Variants in ZNF573 observed in about 807,000 individuals in gnomAD.
ZNF573 encodes zinc finger protein 573.
Under a neutral mutation model 57.4 loss-of-function variants are expected in ZNF573, and 41 were observed. That is an observed-to-expected ratio of 0.71 (90% CI 0.56 to 0.93). The LOEUF is 0.93. ZNF573 is among the 40% of genes least tolerant of loss of function. The probability of loss-of-function intolerance (pLI) is 0.00; values close to 1 mark genes in which losing one functional copy is unlikely to be tolerated. For missense variants in ZNF573, 730 were observed against 794.8 expected, an observed-to-expected ratio of 0.92 and a Z score of 0.98; for synonymous variants, 249 against 261.0, an observed-to-expected ratio of 0.95 and a Z score of 0.44.
At chr19:37,753,099 T>A (rs568968820) in intron 4 of ZNF573, among the ~76,000 whole-genome samples, 37 of 152,240 alleles carry the variant, frequency 2.4e-4, no homozygotes, top group African/African-American at 8.2e-4. Flanking sequence ...TACAAAAAAA[T>A]TTTTAAAAAA....
chr19:37,764,164 G>C (rs141854438), intron 4 of ZNF573, among the ~76,000 whole-genome samples: 64 of 151,524 alleles, frequency 4.2e-4, no homozygotes, highest in African/African-American at 1.5e-3. Flanking sequence ...TAAGGAATAA[G>C]AGATACAGAT....
intron 4 of ZNF573, among the ~76,000 whole-genome samples, chr19:37,751,066 T>G (rs1004945036): frequency 6.6e-6 from 1 of 150,430 alleles, no homozygotes; most frequent in South Asian, 2.1e-4. Context: ...TAGTATAGTA[T>G]GGTATATATA....
intron 4 of ZNF573, among the ~76,000 whole-genome samples, chr19:37,741,339 A>G (rs770726511): frequency 2.6e-5 from 4 of 152,082 alleles, no homozygotes; most frequent in Non-Finnish European, 5.9e-5. Flanking sequence ...ATCATAGTTC[A>G]CTGCAGCCTT....
chr19:37,771,417 T>C (rs1396003368), intron 3 of ZNF573, 147 bp downstream of exon 3: 22 of 895,228 alleles, frequency 2.5e-5, no homozygotes, highest in Non-Finnish European at 3.5e-5. Context: ...GGCACAGCCA[T>C]TGTCAAACAG....
chr19:37,778,790 C>A (rs62110185), intron 1 of ZNF573, among the ~76,000 whole-genome samples: 13,699 of 152,032 alleles, frequency 0.09, 1,018 homozygotes, highest in African/African-American at 0.2. Context: ...CCTCCTTACA[C>A]AATACCCTCC....
chr19:37,777,729 C>T (rs562840947), intron 1 of ZNF573, among the ~76,000 whole-genome samples: 1 of 139,798 alleles, frequency 7.2e-6, no homozygotes, highest in South Asian at 2.4e-4. Flanking sequence ...ATAGAGCAAG[C>T]CTTTGTCATA....
intron 4 of ZNF573, among the ~76,000 whole-genome samples, chr19:37,750,757 CAGG>C (rs1319225508): frequency 1.4e-5 from 2 of 145,366 alleles, no homozygotes; most frequent in East Asian, 4.1e-4. Context: ...GACTCTGAGG[CAGG>C]AGAATTACAG....
chr19:37,738,864 A>T lies in ZNF573; in HGVS notation c.1626T>A (p.Thr542=). The change falls in exon 5 of 5, where the codon ACT becomes ACA. Residue 542 remains threonine (T), a synonymous_variant. Coordinates refer to ENST00000536220, the MANE Select transcript of ZNF573 (RefSeq NM_001172690.2). The part of the protein sequence containing the change: ...RKTFTFYRNL[T]LHQSIHTDEK... ...CATCAGTATGAATACTTTGATGTAGAGTAAGATTTCTATAGAAAGTAAAGG... is the reference window on the plus strand; with the variant it reads ...CATCAGTATGAATACTTTGATGTAGTGTAAGATTTCTATAGAAAGTAAAGG... 1 of 1,611,070 alleles carries T rather than the reference A, an allele frequency of 6.2e-7. No individual in the cohort carries two copies. The highest frequency in any genetic ancestry group is 8.5e-7 in the Non-Finnish European group (1 of 1,179,216).
chr19:37,775,082 T>C (rs1568425487), intron 1 of ZNF573, among the ~76,000 whole-genome samples: 1 of 151,150 alleles, frequency 6.6e-6, no homozygotes, highest in Non-Finnish European at 1.5e-5. Context: ...AGTGGTGTGA[T>C]CATAGCTCAC....
intron 1 of ZNF573, among the ~76,000 whole-genome samples, chr19:37,778,218 A>G (rs2045729156): frequency 6.7e-6 from 1 of 149,688 alleles, no homozygotes; most frequent in Non-Finnish European, 1.5e-5. Flanking sequence ...AAGATGAAGT[A>G]AAATAATCCA....
At position 37,738,751 on chromosome 19, in the gene ZNF573, T is replaced by C. The variant is rs1272501204; in HGVS notation, c.1739A>G (p.Lys580Arg). 6.2e-7 allele frequency: 1 copy of C among 1,614,014 alleles called. No homozygotes were observed. Among genetic ancestry groups the C allele is most frequent in the South Asian group, 1.1e-5 (1 of 91,038 alleles). ...TCCACATTCTTTACATTCATAGGGTTTTTTATCAGCATGAATGCTCTGATG... is the reference window on the plus strand; with the variant it reads ...TCCACATTCTTTACATTCATAGGGTCTTTTATCAGCATGAATGCTCTGATG... ...TAHQSIHADK[K>R]PYECKECGKA... Residue 580 changes from lysine (K) to arginine (R), a missense_variant, in exon 5 of 5, where the codon AAA becomes AGA. Coordinates refer to ENST00000536220, the MANE Select transcript of ZNF573 (RefSeq NM_001172690.2).
intron 4 of ZNF573, among the ~76,000 whole-genome samples, chr19:37,762,400 A>G (rs1222938962): frequency 1.3e-5 from 2 of 152,208 alleles, no homozygotes; most frequent in Non-Finnish European, 2.9e-5. Context: ...TAATATTCTT[A>G]GAGAATTGTG....
At chr19:37,746,469 A>G (rs1293225499) in intron 4 of ZNF573, among the ~76,000 whole-genome samples, 1 of 152,206 alleles carries the variant, frequency 6.6e-6, no homozygotes, top group East Asian at 1.9e-4. Context: ...AGAGTCAGAG[A>G]CATTAGTATG....
intron 1 of ZNF573, among the ~76,000 whole-genome samples, chr19:37,777,014 G>A (rs773689459): frequency 2.2e-4 from 33 of 152,146 alleles, no homozygotes; most frequent in Non-Finnish European, 4.4e-4. Flanking sequence ...GTGGTGAAGA[G>A]AGAACACTTC....
rs2045512008 is a variant in ZNF573 at position 37,758,205 on chromosome 19, ATATATATATATATAT to A, written c.295+11785_295+11799del. On this transcript the variant is annotated intron_variant, in intron 4 of 4. Coordinates refer to ENST00000536220, the MANE Select transcript of ZNF573 (RefSeq NM_001172690.2). ...CCTAGAACTTAAAGTATAATAAAATATATATATATATATATATATATATATATATATATATATATA... is the reference window on the plus strand; with the variant it reads ...CCTAGAACTTAAAGTATAATAAAATAATATATATATATATATATATATATA... Among the ~76,000 whole-genome samples, 350 of 36,076 alleles carry A rather than the reference ATATATATATATATAT, an allele frequency of 9.7e-3. 39 individuals are homozygous for A. Among genetic ancestry groups the A allele is most frequent in the Middle Eastern group, 0.047 (3 of 64 alleles). 23.7% of individuals were successfully genotyped at this position (36,076 alleles called of 152,430 possible).
intron 4 of ZNF573, among the ~76,000 whole-genome samples, chr19:37,764,003 C>T (rs973096618): frequency 6.9e-5 from 10 of 145,212 alleles, no homozygotes; most frequent in African/African-American, 2.0e-4. Flanking sequence ...GCAGAGGTTG[C>T]GATGAGCCAA....
chr19:37,752,246 GAAA>G (rs1315406047), intron 4 of ZNF573, among the ~76,000 whole-genome samples: 1 of 152,064 alleles, frequency 6.6e-6, no homozygotes, highest in African/African-American at 2.4e-5. Context: ...TATCACATAT[GAAA>G]ATTAACTCAA....
In ZNF573 at chr19:37,759,714, C is replaced by G. The variant is rs534642324; in HGVS notation, c.295+10291G>C. ...CTGCACTCCAGCCTGGGCAACACAG[C>G]GAGACTCTGTCTCAAAAAATAAATA... is the stretch of plus-strand genomic sequence containing the variant. On this transcript the variant is annotated intron_variant, in intron 4 of 4. Transcript: ENST00000536220. 2.6e-5 allele frequency among the ~76,000 whole-genome samples: 4 copies of G among 151,312 alleles called. No individual in the cohort carries two copies. In the East Asian group the frequency reaches 7.8e-4, roughly 29 times the overall value.
chr19:37,762,238 C>T, intron 4 of ZNF573, among the ~76,000 whole-genome samples: 1 of 152,126 alleles, frequency 6.6e-6, no homozygotes, highest in Non-Finnish European at 1.5e-5. Context: ...ATGTCAATTT[C>T]ATGAAGGAAG....
Sources: gnomAD v4.1 joint callset for allele counts (sites outside exome capture counted in the v4.1 genomes callset) on GRCh38, gnomAD v4.1.1 for gene constraint, MANE v1.5 for transcripts, NCBI Gene and HGNC (gene_info 2026-07-23, HGNC 2026-07-21) for gene names.